XRN1: variants seen among roughly 807,000 people sequenced by gnomAD.
XRN1 encodes strand-exchange protein 1 homolog.
Under a neutral mutation model 222.3 loss-of-function variants are expected in XRN1, and 67 were observed. That is an observed-to-expected ratio of 0.30 (90% CI 0.25 to 0.37). The LOEUF (loss-of-function observed/expected upper bound fraction) is 0.37, where lower values mean the gene tolerates loss of function less well. Among genes scored for constraint, XRN1 ranks in the 10% least tolerant of loss-of-function variants. The pLI, the probability that XRN1 is intolerant of heterozygous loss-of-function variation, is 1.00. For synonymous variants in XRN1, 643 were observed against 652.4 expected (o/e 0.99, Z 0.22); for missense variants, 1,707 against 2,000.2 (o/e 0.85, Z 2.80).
intron 33 of XRN1, among the ~76,000 whole-genome samples, chr3:142,335,761 A>T (rs1415099788): frequency 6.6e-6 from 1 of 152,184 alleles, no homozygotes; most frequent in Non-Finnish European, 1.5e-5. Flanking sequence ...CTAAGAAGTT[A>T]AGTACTCCAG....
In XRN1 at chr3:142,344,321, C is replaced by T. The variant is rs534521408; in HGVS notation, c.3877+2913G>A. On this transcript the variant is annotated intron_variant, in intron 33 of 40. Transcript: ENST00000392981. ...ATCATTATGCATTGCATGCCTGTAA[C>T]AAAATATCTCATGTAACCCATAAAT... Among the ~76,000 whole-genome samples, 9 of 152,162 alleles carry T rather than the reference C, an allele frequency of 5.9e-5. No homozygotes were observed. In the East Asian group the frequency reaches 1.5e-3, roughly 26 times the overall value.
intron 1 of XRN1, among the ~76,000 whole-genome samples, chr3:142,444,271 C>T (rs149960047): frequency 1.2e-3 from 180 of 152,200 alleles, no homozygotes; most frequent in African/African-American, 4.2e-3. Flanking sequence ...ATGGCAAAAA[C>T]CCATCTCTAT....
At chr3:142,329,818 C>T (rs561179308) in intron 36 of XRN1, among the ~76,000 whole-genome samples, 65 of 152,244 alleles carry the variant, frequency 4.3e-4, no homozygotes, top group African/African-American at 1.5e-3. Flanking sequence ...GTACAACCTG[C>T]CATCCAAGTG....
At chr3:142,389,338 T>C (rs1036438693) in intron 20 of XRN1, among the ~76,000 whole-genome samples, 16 of 152,146 alleles carry the variant, frequency 1.1e-4, no homozygotes, top group African/African-American at 3.9e-4. Flanking sequence ...TTCCACCACA[T>C]CTGCAGTTAC....
intron 34 of XRN1, among the ~76,000 whole-genome samples, chr3:142,334,875 G>C (rs191783139): frequency 1.3e-3 from 185 of 145,982 alleles, no homozygotes; most frequent in African/African-American, 4.5e-3. Flanking sequence ...TCTCACTGTT[G>C]CCCAGGCTGG....
chr3:142,414,272 C>T lies in XRN1; in HGVS notation c.1456G>A (p.Ala486Thr), dbSNP rs1345195923. Reference sequence around the variant, plus strand: ...TTGTGTATATCAGACAGGAAAGGTGCATAATGATAAGGATAATACCTATAA... The same window carrying T: ...TTGTGTATATCAGACAGGAAAGGTGTATAATGATAAGGATAATACCTATAA... ...SWSWYYPYHY[A>T]PFLSDIHNIS... Residue 486 changes from alanine to threonine, a missense_variant, in exon 14 of 41, where the codon GCA becomes ACA. This residue lies in a region of XRN1 where 1,234 missense variants were observed against 1,518.2 expected (regional missense o/e 0.81). Coordinates refer to ENST00000392981, the MANE Select transcript of XRN1 (RefSeq NM_001282857.2). 1.2e-6 allele frequency: 2 copies of T among 1,610,064 alleles called. No individual in the cohort carries two copies. Among genetic ancestry groups the T allele is most frequent in the Non-Finnish European group, 1.7e-6 (2 of 1,178,188 alleles).
In XRN1 at chr3:142,411,800, ATCT is replaced by A. The variant is rs146717599; in HGVS notation, c.1713+741_1713+743del. Among the ~76,000 whole-genome samples the A allele has an allele frequency of 9.7e-3, 1,473 of 151,692 alleles. 27 individuals are homozygous for A. The highest frequency in any genetic ancestry group is 0.034 in the African/African-American group (1,405 of 41,370). ...TGAGTAGGTTTATAGCATTACTCAA[ATCT>A]TCTTTATACTTACTGAAAATTTTTT... On this transcript the variant is annotated intron_variant, in intron 15 of 40. Coordinates refer to ENST00000392981, the MANE Select transcript of XRN1 (RefSeq NM_001282857.2).
intron 33 of XRN1, among the ~76,000 whole-genome samples, chr3:142,343,925 T>A (rs1466590672): frequency 6.6e-6 from 1 of 152,210 alleles, no homozygotes; most frequent in African/African-American, 2.4e-5. Context: ...TGAGATCCTG[T>A]CATTTGCAAC....
rs566055732 is a variant in XRN1 at position 142,409,844 on chromosome 3, A to G, written c.1713+2700T>C. ...CTCTTTCAAGGTAGAGGGCTTCCAC[A>G]TATGTTGTTAAGTTTATAGCTGTGT... On this transcript the variant is annotated intron_variant, in intron 15 of 40. Transcript: ENST00000392981. Among the ~76,000 whole-genome samples, 72 of 152,260 alleles carry G rather than the reference A, an allele frequency of 4.7e-4. 3 individuals are homozygous for G. In the South Asian group the frequency reaches 0.012, roughly 25 times the overall value.
chr3:142,333,998 T>A lies in XRN1; in HGVS notation c.3940-909A>T, dbSNP rs181160393. On this transcript the variant is annotated intron_variant, in intron 34 of 40. Coordinates refer to ENST00000392981, the MANE Select transcript of XRN1 (RefSeq NM_001282857.2). The stretch of plus-strand genomic sequence containing the variant: ...GTTCAAATGTACCTAGTCTATGGTA[T>A]TGTTATTATAGCAGCCCAAATCAAC... Among the ~76,000 whole-genome samples the A allele has an allele frequency of 3.3e-3, 503 of 152,346 alleles. 2 individuals are homozygous for A. The highest frequency in any genetic ancestry group is 0.013 in the South Asian group (65 of 4,832).
At chr3:142,352,425 G>A (rs1030891011) in intron 32 of XRN1, among the ~76,000 whole-genome samples, 5 of 152,036 alleles carry the variant, frequency 3.3e-5, no homozygotes, top group African/African-American at 9.7e-5. Flanking sequence ...GGAGAACTAC[G>A]TATCTTGTCA....
At chr3:142,351,133 G>GTATCTATCTATGTATCTATGTATC (rs2066293024) in intron 32 of XRN1, among the ~76,000 whole-genome samples, 1 of 151,694 alleles carries the variant, frequency 6.6e-6, no homozygotes, top group East Asian at 1.9e-4. Context: ...ATCTATCTAT[G>GTATCTATCTATGTATCTATGTATC]TATCTATCTA....
chr3:142,425,579 T>A (rs577180320), intron 3 of XRN1, 41 bp from the exon 4 acceptor site: 29 of 1,508,834 alleles, frequency 1.9e-5, no homozygotes, highest in Admixed American at 3.6e-5. Context: ...AAGAAAGACA[T>A]AAAAACATTA....
chr3:142,407,377 T>C (rs2068381807), intron 15 of XRN1, among the ~76,000 whole-genome samples: 1 of 152,230 alleles, frequency 6.6e-6, no homozygotes, highest in Admixed American at 6.5e-5. Context: ...GTCACCACAC[T>C]GGAGTGCAGT....
In XRN1 at chr3:142,311,349, T is replaced by G. The variant is rs2065070936; in HGVS notation, c.*162A>C. The G allele has an allele frequency of 1.6e-6, 1 of 608,852 alleles. No individual in the cohort carries two copies. Among genetic ancestry groups the G allele is most frequent in the Non-Finnish European group, 2.6e-6 (1 of 379,508 alleles). The allele number at this position is 608,852 out of a possible 1,614,324, so 37.7% of individuals were successfully genotyped here. A position where few individuals can be genotyped will look rare whatever the true frequency, so the allele number is the denominator to read the frequency against. On this transcript the variant is annotated 3_prime_UTR_variant, in exon 41 of 41. Coordinates refer to ENST00000392981, the MANE Select transcript of XRN1 (RefSeq NM_001282857.2). ...AGTGCACAATTTGATACACAGTCTT[T>G]TAAACAGCATGAAAAGTGCCTGATA...
chr3:142,380,327 G>A (rs1559832720), intron 22 of XRN1, 147 bp from the exon 23 acceptor site: 1 of 638,192 alleles, frequency 1.6e-6, no homozygotes, highest in Non-Finnish European at 2.7e-6. Context: ...TGAAAATACT[G>A]TAAATTTGAG....
chr3:142,423,898 A>T (rs2069139766), intron 5 of XRN1, among the ~76,000 whole-genome samples: 1 of 151,996 alleles, frequency 6.6e-6, no homozygotes, highest in Non-Finnish European at 1.5e-5. Flanking sequence ...TCCTCTTCCT[A>T]TCCCTCCAAA....
At chr3:142,439,051 C>T (rs2070068945) in intron 1 of XRN1, among the ~76,000 whole-genome samples, 2 of 152,142 alleles carry the variant, frequency 1.3e-5, no homozygotes, top group South Asian at 2.1e-4. Flanking sequence ...GAGGAGAATT[C>T]GGCCCAGCCA....
chr3:142,418,720 A>C, intron 11 of XRN1, 95 bp downstream of exon 11: 1 of 1,489,006 alleles, frequency 6.7e-7, no homozygotes, highest in Non-Finnish European at 9.3e-7. Context: ...CTATCACAGA[A>C]ATCTGTTCCA....
Sources: allele counts gnomAD v4.1 joint callset (sites outside exome capture counted in the v4.1 genomes callset), GRCh38; gene constraint gnomAD v4.1.1; regional missense constraint gnomAD v4.1.1; transcripts MANE v1.5; gene names NCBI Gene and HGNC (gene_info 2026-07-23, HGNC 2026-07-21).